Variants in RARB observed in about 807,000 individuals in gnomAD.
RARB encodes the protein retinoic acid receptor beta.
A neutral mutation model predicts 51.9 loss-of-function variants in RARB; 17 were observed. That is an observed-to-expected ratio of 0.33 (90% CI 0.22 to 0.49). RARB has a LOEUF of 0.49. Ranked by LOEUF, RARB falls within the 20% of genes least tolerant of loss-of-function variation. RARB has a pLI of 0.99. For synonymous variants in RARB, 215 were observed against 195.4 expected (o/e 1.10, Z -0.84); for missense variants, 369 against 550.8 (o/e 0.67, Z 3.30).
chr3:24,837,431 G>C (rs1260845150), intron 1 of RARB, among the ~76,000 whole-genome samples: 1 of 152,198 alleles, frequency 6.6e-6, no homozygotes, highest in East Asian at 1.9e-4. Context: ...CGTTTAATTT[G>C]AGAACTGTAT....
intron 2 of RARB, among the ~76,000 whole-genome samples, chr3:25,484,278 G>A (rs1419147746): frequency 6.6e-6 from 1 of 152,180 alleles, no homozygotes; most frequent in Non-Finnish European, 1.5e-5. Context: ...CTTCAAGGCT[G>A]AGGTTTTCTT....
intron 4 of RARB, among the ~76,000 whole-genome samples, chr3:25,153,978 A>G (rs1387679803): frequency 1.3e-5 from 2 of 152,234 alleles, no homozygotes; most frequent in Non-Finnish European, 2.9e-5. Flanking sequence ...CTAAAGAGGT[A>G]CATGAAGAAT....
At chr3:25,139,991 T>A (rs572997506) in intron 4 of RARB, among the ~76,000 whole-genome samples, 1 of 152,294 alleles carries the variant, frequency 6.6e-6, no homozygotes, top group Non-Finnish European at 1.5e-5. Flanking sequence ...AGCCTATTTT[T>A]GAAACCTGCT....
At chr3:25,043,064 G>A (rs2125295887) in intron 2 of RARB, among the ~76,000 whole-genome samples, 1 of 152,330 alleles carries the variant, frequency 6.6e-6, no homozygotes, top group Non-Finnish European at 1.5e-5. Context: ...AGGCAGGGGA[G>A]CGACCGTCAG....
intron 2 of RARB, among the ~76,000 whole-genome samples, chr3:24,885,295 C>G (rs950560589): frequency 3.3e-5 from 5 of 152,054 alleles, no homozygotes; most frequent in Admixed American, 6.6e-5. Flanking sequence ...AATGGGATGC[C>G]TTTGGGAATT....
At chr3:25,194,959 G>C (rs1701195913) in intron 5 of RARB, among the ~76,000 whole-genome samples, 1 of 151,908 alleles carries the variant, frequency 6.6e-6, no homozygotes, top group South Asian at 2.1e-4. Context: ...TCATACTAAA[G>C]AGTAAAGGAT....
intron 5 of RARB, 77 bp downstream of exon 5, chr3:25,580,799 G>T: frequency 7.1e-7 from 1 of 1,411,526 alleles, no homozygotes; most frequent in South Asian, 1.5e-5. Flanking sequence ...GGGACCAAGA[G>T]ACATTGAAGA....
chr3:24,977,859 T>A (rs1037519867), intron 2 of RARB, among the ~76,000 whole-genome samples: 4 of 152,340 alleles, frequency 2.6e-5, no homozygotes, highest in Admixed American at 1.3e-4. Context: ...CTTCCAGTTT[T>A]TGCTCATTCA....
chr3:25,376,619 T>A (rs1483600434), intron 5 of RARB, among the ~76,000 whole-genome samples: 2 of 152,230 alleles, frequency 1.3e-5, no homozygotes, highest in Admixed American at 6.5e-5. Context: ...CCTATCACCT[T>A]GACAGCTGTG....
intron 3 of RARB, among the ~76,000 whole-genome samples, chr3:25,108,056 A>T (rs1603983): frequency 1.7e-4 from 26 of 152,086 alleles, no homozygotes; most frequent in Admixed American, 1.3e-3. Flanking sequence ...CTGATCACCG[A>T]GCTCTATTAA....
At chr3:25,294,313 A>C (rs11928224) in intron 5 of RARB, among the ~76,000 whole-genome samples, 39,014 of 152,140 alleles carry the variant, frequency 0.26, 6,056 homozygotes, top group African/African-American at 0.43. Flanking sequence ...CATTTGAACC[A>C]CAGGAACTTA....
chr3:24,883,538 A>G lies in RARB; in HGVS notation c.-380+24786A>G, dbSNP rs922766799. On this transcript the variant is annotated intron_variant, in intron 2 of 11. Coordinates refer to the RARB transcript ENST00000383772. ...GTTTTGACATTCTAATTATAAATAC[A>G]TTAGACTTGGTGCAAAAAATCATCA... Among the ~76,000 whole-genome samples, 3 of 152,168 alleles carry G rather than the reference A, an allele frequency of 2.0e-5. No individual in the cohort carries two copies. In the South Asian group the frequency reaches 6.2e-4, roughly 32 times the overall value.
chr3:25,017,072 A>G (rs1200494154), intron 2 of RARB, among the ~76,000 whole-genome samples: 1 of 152,056 alleles, frequency 6.6e-6, no homozygotes, highest in African/African-American at 2.4e-5. Flanking sequence ...ATTAGGCTCT[A>G]CTTCTTGGTG....
chr3:25,452,319 G>A (rs1709230715), intron 1 of RARB, among the ~76,000 whole-genome samples: 4 of 152,206 alleles, frequency 2.6e-5, no homozygotes, highest in Non-Finnish European at 5.9e-5. Context: ...TGTTGAACGT[G>A]TCATGGTACC....
chr3:24,888,510 AAGCTAAGACCCTATAATC>A (rs1334084703), intron 2 of RARB, among the ~76,000 whole-genome samples: 3 of 152,134 alleles, frequency 2.0e-5, no homozygotes, highest in Admixed American at 6.6e-5. Context: ...TAGAAGTTAA[AAGCTAAGACCCTATAATC>A]AGCCAAAGTT....
At chr3:25,467,125 C>G (rs1207690568) in intron 2 of RARB, among the ~76,000 whole-genome samples, 1 of 152,222 alleles carries the variant, frequency 6.6e-6, no homozygotes, top group Non-Finnish European at 1.5e-5. Context: ...ATCCCACTTT[C>G]CCATCATCCA....
At chr3:25,539,841 A>G (rs1489052854) in intron 3 of RARB, among the ~76,000 whole-genome samples, 1 of 152,108 alleles carries the variant, frequency 6.6e-6, no homozygotes. Context: ...AAACAATATT[A>G]GTTTGAACTG....
intron 5 of RARB, among the ~76,000 whole-genome samples, chr3:25,332,378 A>G (rs531040250): frequency 5.9e-5 from 9 of 152,204 alleles, no homozygotes; most frequent in Non-Finnish European, 1.2e-4. Context: ...AACAAACACA[A>G]ATCAATAAAC....
At chr3:25,295,147 G>A (rs779949443) in intron 5 of RARB, among the ~76,000 whole-genome samples, 3 of 152,166 alleles carry the variant, frequency 2.0e-5, no homozygotes, top group Non-Finnish European at 2.9e-5. Flanking sequence ...GAGCTCTTAA[G>A]TACTTGTGTT....
Sources: allele counts gnomAD v4.1 joint callset (sites outside exome capture counted in the v4.1 genomes callset), GRCh38; gene constraint gnomAD v4.1.1; transcripts MANE v1.5; gene names NCBI Gene and HGNC (gene_info 2026-07-23, HGNC 2026-07-21).